The following PHACTR1 variants were observed in gnomAD, a reference collection of about 807,000 sequenced individuals.
PHACTR1 encodes the protein RPEL repeat containing 1.
Under a neutral mutation model 69.2 loss-of-function variants are expected in PHACTR1, and 16 were observed. That is an observed-to-expected ratio of 0.23 (90% CI 0.16 to 0.35). PHACTR1 has a LOEUF of 0.35. PHACTR1 is among the 10% of genes least tolerant of loss of function. The pLI is 1.00. For synonymous variants in PHACTR1, 312 were observed against 284.5 expected, an observed-to-expected ratio of 1.10 and a Z score of -0.97; for missense variants, 510 against 734.7, an observed-to-expected ratio of 0.69 and a Z score of 3.54.
rs1009815031 is a variant in PHACTR1, at chr6:13,283,200, A to G, written c.1510-222A>G. 2.0e-6 allele frequency: 1 copy of G among 498,162 alleles called. No individual in the cohort carries two copies. Among genetic ancestry groups the G allele is most frequent in the Non-Finnish European group, 3.5e-6 (1 of 282,874 alleles). 30.9% of individuals were successfully genotyped at this position (498,162 alleles called of 1,614,324 possible). A position where few individuals can be genotyped will look rare whatever the true frequency, so the allele number is the denominator to read the frequency against. On this transcript the variant is annotated intron_variant, in intron 12 of 14. Transcript: ENST00000332995. This position sits in a 1 kb window ranked among gnomAD's most constrained non-coding sequence, Gnocchi z 4.7. Reference sequence around the variant, plus strand: ...TGGCCTAGAGGGTATGTAAGGGATAACAAAGCTCTCTCTTAGGACCTAGAA... The same window carrying G: ...TGGCCTAGAGGGTATGTAAGGGATAGCAAAGCTCTCTCTTAGGACCTAGAA...
At chr6:12,823,112 C>T (rs1776402200) in intron 4 of PHACTR1, among the ~76,000 whole-genome samples, 1 of 152,156 alleles carries the variant, frequency 6.6e-6, no homozygotes, top group Non-Finnish European at 1.5e-5. Context: ...CAGACATCGC[C>T]TAATTATGGG....
chr6:13,155,112 C>T (rs1757979586), intron 5 of PHACTR1, among the ~76,000 whole-genome samples: 1 of 152,136 alleles, frequency 6.6e-6, no homozygotes, highest in Non-Finnish European at 1.5e-5. Context: ...GCTAATCCAC[C>T]ATGTTGGCTT....
intron 4 of PHACTR1, among the ~76,000 whole-genome samples, chr6:12,881,382 G>A (rs958943997): frequency 6.6e-6 from 1 of 152,170 alleles, no homozygotes; most frequent in Non-Finnish European, 1.5e-5. Flanking sequence ...CAGGGACAAT[G>A]GTGATAGCTA....
chr6:13,166,270 C>A (rs539106115), intron 6 of PHACTR1, among the ~76,000 whole-genome samples: 1 of 152,328 alleles, frequency 6.6e-6, no homozygotes, highest in Admixed American at 6.5e-5. Flanking sequence ...CCTCCTTCTT[C>A]CTTTTTTCTT....
In PHACTR1 at chr6:12,728,397, C is replaced by A. The variant is rs762054331; in HGVS notation, c.103+9550C>A. Among the ~76,000 whole-genome samples the A allele has an allele frequency of 7.2e-5, 11 of 151,950 alleles. No individual in the cohort carries two copies. In the South Asian group the frequency reaches 1.5e-3, roughly 20 times the overall value. On this transcript the variant is annotated intron_variant, in intron 3 of 14. Transcript: ENST00000332995. ...TTTACTTTTAATTTCTTTCACGTACCTTTGGAATTTTATAAGGTTATATTT... is the reference window on the plus strand; with the variant it reads ...TTTACTTTTAATTTCTTTCACGTACATTTGGAATTTTATAAGGTTATATTT...
intron 4 of PHACTR1, among the ~76,000 whole-genome samples, chr6:12,977,671 T>C (rs1049489621): frequency 6.6e-6 from 1 of 152,206 alleles, no homozygotes; most frequent in Non-Finnish European, 1.5e-5. Context: ...ATGCCACTAA[T>C]GGGGAAAGGT....
At position 13,206,486 on chromosome 6, in the gene PHACTR1, T is replaced by A. The variant is rs1765943540; in HGVS notation, c.986+350T>A. ...AAAACCAACTTAACCATAGACTAAT[T>A]GATATAAACAAGACTTAAGTTCCTA... On this transcript the variant is annotated intron_variant, in intron 8 of 14. Coordinates refer to ENST00000332995, the MANE Select transcript of PHACTR1 (RefSeq NM_030948.6). 2.2e-5 allele frequency among the ~76,000 whole-genome samples: 3 copies of A among 137,560 alleles called. 1 individual carries two copies. The South Asian group carries it at 6.7e-4, about 31-fold the overall frequency. 90.2% of individuals were successfully genotyped at this position (137,560 alleles called of 152,430 possible). A position where few individuals can be genotyped will look rare whatever the true frequency, so the allele number is the denominator to read the frequency against.
chr6:12,992,202 C>T lies in PHACTR1; in HGVS notation c.251-61163C>T, dbSNP rs1796898081. On this transcript the variant is annotated intron_variant, in intron 4 of 14. Transcript: ENST00000332995. ...GTTGAAGGAGAAATCAGAGTTTCCT[C>T]CTCTTACACTGTAAATAAATTGAAA... 2.0e-5 allele frequency among the ~76,000 whole-genome samples: 3 copies of T among 152,164 alleles called. No homozygotes were observed. The South Asian group carries it at 6.2e-4, about 32-fold the overall frequency.
chr6:13,221,440 G>A (rs1217149996), intron 8 of PHACTR1, among the ~76,000 whole-genome samples: 1 of 151,862 alleles, frequency 6.6e-6, no homozygotes, highest in South Asian at 2.1e-4. Context: ...TGGGTGGGGA[G>A]GGGGAGGGTC....
intron 8 of PHACTR1, among the ~76,000 whole-genome samples, chr6:13,227,219 G>C (rs1447599099): frequency 6.6e-6 from 1 of 152,020 alleles, no homozygotes; most frequent in African/African-American, 2.4e-5. Context: ...GTCATGCATG[G>C]GTCTCCAGCC....
intron 4 of PHACTR1, among the ~76,000 whole-genome samples, chr6:13,044,689 A>G (rs996581113): frequency 6.6e-6 from 1 of 152,146 alleles, no homozygotes; most frequent in African/African-American, 2.4e-5. Flanking sequence ...ACCAGCAGCT[A>G]TTAGGTGGTA....
chr6:12,790,826 G>A lies in PHACTR1; in HGVS notation c.250+41036G>A, dbSNP rs140179861. On this transcript the variant is annotated intron_variant, in intron 4 of 14. Transcript: ENST00000332995. ...GCTTGATGTTGAAATTCCAGGAAGA[G>A]AGCCTTGCTGGTTTAGCTTGGTCAC... Among the ~76,000 whole-genome samples the A allele has an allele frequency of 1.8e-3, 281 of 152,330 alleles. 2 individuals are homozygous for A. The highest frequency in any genetic ancestry group is 6.6e-3 in the African/African-American group (274 of 41,574).
intron 5 of PHACTR1, among the ~76,000 whole-genome samples, chr6:13,120,048 C>T (rs772755886): frequency 1.3e-5 from 2 of 152,022 alleles, no homozygotes; most frequent in Admixed American, 6.6e-5. Flanking sequence ...ACACATGGTC[C>T]GTTAGTTCTG....
At chr6:13,023,098 A>G (rs965269672) in intron 4 of PHACTR1, among the ~76,000 whole-genome samples, 4 of 152,214 alleles carry the variant, frequency 2.6e-5, no homozygotes, top group Non-Finnish European at 5.9e-5. Context: ...AGAATTGAAA[A>G]TGACCCTGTA....
intron 10 of PHACTR1, among the ~76,000 whole-genome samples, chr6:13,230,985 CA>C (rs1770801693): frequency 6.7e-6 from 1 of 148,408 alleles, no homozygotes; most frequent in South Asian, 2.1e-4. Context: ...CACTGCACTC[CA>C]GCCCAGGTGA....
At chr6:13,103,368 T>C (rs1324109795) in intron 5 of PHACTR1, among the ~76,000 whole-genome samples, 1 of 152,242 alleles carries the variant, frequency 6.6e-6, no homozygotes, top group Non-Finnish European at 1.5e-5. Context: ...TAAAAAATGC[T>C]GACTGTGGTT....
intron 7 of PHACTR1, among the ~76,000 whole-genome samples, chr6:13,186,806 T>C (rs769084620): frequency 3.9e-5 from 6 of 152,184 alleles, no homozygotes; most frequent in Admixed American, 3.9e-4. Context: ...TTCGGGATGA[T>C]TCAAGTGCAT....
At chr6:13,236,981 G>C (rs1020840812) in intron 10 of PHACTR1, among the ~76,000 whole-genome samples, 5 of 152,280 alleles carry the variant, frequency 3.3e-5, no homozygotes, top group African/African-American at 1.2e-4. Context: ...GGCCATCACT[G>C]TTCAGCTTCA....
intron 4 of PHACTR1, among the ~76,000 whole-genome samples, chr6:13,010,261 G>A (rs1047234607): frequency 6.6e-6 from 1 of 152,090 alleles, no homozygotes; most frequent in Non-Finnish European, 1.5e-5. Flanking sequence ...CCGAGTAGCT[G>A]GGATTACAGG....
Sources: gnomAD v4.1 joint callset for allele counts (sites outside exome capture counted in the v4.1 genomes callset) on GRCh38, gnomAD v4.1.1 for gene constraint, Gnocchi (gnomAD v3.1) non-coding constraint, MANE v1.5 for transcripts, NCBI Gene and HGNC (gene_info 2026-07-23, HGNC 2026-07-21) for gene names.